NT5M: variants seen among roughly 807,000 people sequenced by gnomAD.
NT5M encodes 5',3'-nucleotidase, mitochondrial, also known as 5'(3')-deoxyribonucleotidase, mitochondrial.
Under a neutral mutation model 22.2 loss-of-function variants are expected in NT5M, and 22 were observed. That is an observed-to-expected ratio of 0.99 (90% CI 0.71 to 1.41). The LOEUF (loss-of-function observed/expected upper bound fraction) is 1.41, where lower values mean the gene tolerates loss of function less well. NT5M is among the 40% of genes most tolerant of loss of function. The pLI is 0.00. For missense variants in NT5M, 322 were observed against 314.8 expected (o/e 1.02, Z -0.17); for synonymous variants, 167 against 133.0 (o/e 1.26, Z -1.76).
intron 3 of NT5M, among the ~76,000 whole-genome samples, chr17:17,333,899 T>C (rs1377763562): frequency 6.7e-6 from 1 of 149,736 alleles, no homozygotes; most frequent in Non-Finnish European, 1.5e-5. Flanking sequence ...AGTGGCACAA[T>C]CTCGGCTCAT....
intron 3 of NT5M, among the ~76,000 whole-genome samples, chr17:17,331,079 A>G (rs1397742245): frequency 6.6e-6 from 1 of 151,632 alleles, no homozygotes; most frequent in Non-Finnish European, 1.5e-5. Flanking sequence ...CAGTTGCTCC[A>G]GTACGTTTTC....
At chr17:17,321,707 A>G (rs1274269688) in intron 2 of NT5M, among the ~76,000 whole-genome samples, 1 of 151,788 alleles carries the variant, frequency 6.6e-6, no homozygotes, top group Non-Finnish European at 1.5e-5. Flanking sequence ...GAGCAGTGGG[A>G]TAGCTGGGCT....
intron 2 of NT5M, among the ~76,000 whole-genome samples, chr17:17,319,230 G>A (rs1597765049): frequency 7.5e-6 from 1 of 133,604 alleles, no homozygotes; most frequent in South Asian, 2.5e-4. Context: ...AAAAAAAAAA[G>A]TTTCTGAACA....
chr17:17,323,367 C>T (rs868388959), intron 3 of NT5M, 122 bp downstream of exon 3: 30 of 816,622 alleles, frequency 3.7e-5, no homozygotes, highest in Non-Finnish European at 5.9e-5. Context: ...TCTGTGACAG[C>T]GGCTTTCTGC....
chr17:17,323,118 G>C (rs1567889655), intron 2 of NT5M, 67 bp from the exon 3 acceptor site: 1 of 1,290,294 alleles, frequency 7.8e-7, no homozygotes, highest in Middle Eastern at 1.9e-4. Context: ...GGCAGGGCAG[G>C]TGGTGAAGGC....
At chr17:17,337,438 C>T (rs1413947310) in intron 3 of NT5M, among the ~76,000 whole-genome samples, 2 of 150,912 alleles carry the variant, frequency 1.3e-5, no homozygotes, top group South Asian at 2.1e-4. Flanking sequence ...GGGTTTTGCC[C>T]TGTTTCTCAG....
intron 2 of NT5M, among the ~76,000 whole-genome samples, chr17:17,314,373 G>A (rs2048980627): frequency 6.6e-6 from 1 of 152,044 alleles, no homozygotes; most frequent in African/African-American, 2.4e-5. Flanking sequence ...GCATGAGCGT[G>A]TGTGAAAATG....
At chr17:17,320,789 G>A (rs534994589) in intron 2 of NT5M, among the ~76,000 whole-genome samples, 3 of 152,324 alleles carry the variant, frequency 2.0e-5, no homozygotes, top group South Asian at 2.1e-4. Context: ...GGTGGCTGGC[G>A]AGGATCAGGA....
intron 3 of NT5M, among the ~76,000 whole-genome samples, chr17:17,324,771 C>T (rs1339351661): frequency 6.6e-6 from 1 of 152,194 alleles, no homozygotes; most frequent in Non-Finnish European, 1.5e-5. Flanking sequence ...CTCCTGGGCT[C>T]AAGTGATCCT....
At chr17:17,313,832 A>G (rs548454889) in intron 2 of NT5M, among the ~76,000 whole-genome samples, 2 of 152,246 alleles carry the variant, frequency 1.3e-5, no homozygotes, top group East Asian at 1.9e-4. Context: ...GTGAAGGGCA[A>G]GGGGACTCCA....
chr17:17,345,679 C>T (rs1194409070), intron 4 of NT5M, among the ~76,000 whole-genome samples: 7 of 150,734 alleles, frequency 4.6e-5, no homozygotes, highest in Non-Finnish European at 1.0e-4. Flanking sequence ...ATCATCATGG[C>T]GCATGCCTGT....
intron 2 of NT5M, among the ~76,000 whole-genome samples, chr17:17,316,367 G>GA: frequency 1.1e-5 from 1 of 94,868 alleles, no homozygotes; most frequent in East Asian, 4.1e-4. Context: ...TGTAACTTAG[G>GA]TTTTTATTTA....
At chr17:17,328,608 G>T (rs922791096) in intron 3 of NT5M, among the ~76,000 whole-genome samples, 1 of 152,122 alleles carries the variant, frequency 6.6e-6, no homozygotes, top group Non-Finnish European at 1.5e-5. Context: ...CGGTAGCCCC[G>T]GTCTAGGCTT....
chr17:17,303,694 CT>C lies in NT5M; in HGVS notation c.146del (p.Phe49SerfsTer40). The C allele has an allele frequency of 6.3e-7, 1 of 1,589,270 alleles. No individual in the cohort carries two copies. The highest frequency in any genetic ancestry group is 8.5e-7 in the Non-Finnish European group (1 of 1,170,330). ...LVDMDGVLAD[F>X]EGGFLRKFRA... ...TGGACATGGACGGCGTGCTGGCTGA[CT>C]TCGAGGGCGGATTCCTCAGGAAGTT... On this transcript the variant is annotated frameshift_variant, in exon 1 of 5. Coordinates refer to ENST00000389022, the MANE Select transcript of NT5M (RefSeq NM_020201.4). LOFTEE classifies it high-confidence loss of function.
chr17:17,307,429 G>A (rs971037969), intron 2 of NT5M, among the ~76,000 whole-genome samples: 2 of 151,980 alleles, frequency 1.3e-5, no homozygotes, highest in Non-Finnish European at 2.9e-5. Flanking sequence ...TTCGAGACCA[G>A]CCTGGCCAAG....
chr17:17,304,758 G>A (rs1421668261), intron 1 of NT5M, among the ~76,000 whole-genome samples: 2 of 152,158 alleles, frequency 1.3e-5, no homozygotes, highest in African/African-American at 4.8e-5. Flanking sequence ...TCAAACCCAA[G>A]TCTGTCTGCC....
chr17:17,333,195 TTTGTGAG>T (rs1411805399), intron 3 of NT5M, among the ~76,000 whole-genome samples: 10 of 152,270 alleles, frequency 6.6e-5, no homozygotes, highest in Admixed American at 6.5e-4. Flanking sequence ...CATTGAGTTG[TTTGTGAG>T]TTGTGAGAGT....
At chr17:17,338,274 T>C (rs2049560863) in intron 3 of NT5M, among the ~76,000 whole-genome samples, 2 of 151,618 alleles carry the variant, frequency 1.3e-5, no homozygotes, top group African/African-American at 4.8e-5. Flanking sequence ...CTCACTGCAA[T>C]GTCCGTCTCC....
chr17:17,335,203 G>A (rs148883433), intron 3 of NT5M, among the ~76,000 whole-genome samples: 34 of 151,456 alleles, frequency 2.2e-4, no homozygotes, highest in South Asian at 8.3e-4. Flanking sequence ...AGCTTATTTC[G>A]TTTTTAATGC....
Sources: gnomAD v4.1 joint callset for allele counts (sites outside exome capture counted in the v4.1 genomes callset) on GRCh38, gnomAD v4.1.1 for gene constraint, MANE v1.5 for transcripts, NCBI Gene and HGNC (gene_info 2026-07-23, HGNC 2026-07-21) for gene names.